RPRD2: variants seen among roughly 807,000 people sequenced by gnomAD.
RPRD2 encodes regulation of nuclear pre-mRNA domain-containing protein 2.
A neutral mutation model predicts 104.4 loss-of-function variants in RPRD2; 12 were observed. The observed-to-expected ratio is 0.11, with a 90% confidence interval of 0.07 to 0.19. The LOEUF (loss-of-function observed/expected upper bound fraction) is 0.19. Among genes scored for constraint, RPRD2 ranks in the 10% least tolerant of loss-of-function variants. The probability of loss-of-function intolerance (pLI) is 1.00; values close to 1 mark genes in which losing one functional copy is unlikely to be tolerated. For missense variants in RPRD2, 1,543 were observed against 1,790.1 expected (o/e 0.86, Z 2.49); for synonymous variants, 714 against 684.9 (o/e 1.04, Z -0.66).
At chr1:150,411,804 A>C (rs1158255384) in intron 1 of RPRD2, among the ~76,000 whole-genome samples, 2 of 75,176 alleles carry the variant, frequency 2.7e-5, no homozygotes, top group South Asian at 4.9e-4. Context: ...AAAAAAAAAA[A>C]AAAAAAAAAA....
At chr1:150,451,382 T>A (rs1487751900) in intron 7 of RPRD2, among the ~76,000 whole-genome samples, 1 of 151,956 alleles carries the variant, frequency 6.6e-6, no homozygotes, top group Non-Finnish European at 1.5e-5. Context: ...TGGGTTAAAT[T>A]ATGCACCCCA....
chr1:150,384,441 C>A (rs1661387140), intron 1 of RPRD2, among the ~76,000 whole-genome samples: 1 of 71,152 alleles, frequency 1.4e-5, no homozygotes, highest in African/African-American at 5.0e-5. Context: ...GAATAAAAGG[C>A]ATCATCATCA....
At chr1:150,368,225 A>C (rs72696842) in intron 1 of RPRD2, among the ~76,000 whole-genome samples, 1 of 70,384 alleles carries the variant, frequency 1.4e-5, no homozygotes, top group Non-Finnish European at 3.2e-5. Flanking sequence ...TTTTTTTTTT[A>C]ATACGGAGTC....
At chr1:150,420,057 G>A (rs1400881545) in intron 2 of RPRD2, among the ~76,000 whole-genome samples, 1 of 152,168 alleles carries the variant, frequency 6.6e-6, no homozygotes, top group Non-Finnish European at 1.5e-5. Flanking sequence ...CAAAGCCCAT[G>A]TTGTTTGCCA....
chr1:150,474,803 A>G lies in RPRD2; in HGVS notation c.*1469A>G, dbSNP rs1452626640. On this transcript the variant is annotated 3_prime_UTR_variant, in exon 11 of 11. Coordinates refer to ENST00000369068, the MANE Select transcript of RPRD2 (RefSeq NM_015203.5). ...TTTCCAGAGAATTCTGGCAAGTTTC[A>G]TATTTTCTTCCAAGTTAGTATAGAA... is the stretch of plus-strand genomic sequence containing the variant. 6.6e-6 allele frequency: 1 copy of G among 152,102 alleles called. No individual in the cohort carries two copies. The highest frequency in any genetic ancestry group is 2.4e-5 in the African/African-American group (1 of 41,404). The allele number at this position is 152,102 out of a possible 1,614,324, so 9.4% of individuals were successfully genotyped here.
chr1:150,433,930 C>CA (rs1422562899), intron 2 of RPRD2, among the ~76,000 whole-genome samples: 1 of 139,280 alleles, frequency 7.2e-6, no homozygotes, highest in Non-Finnish European at 1.6e-5. Flanking sequence ...TGTATACACA[C>CA]ACACACACAC....
intron 1 of RPRD2, among the ~76,000 whole-genome samples, chr1:150,399,485 G>A (rs1033635045): frequency 2.4e-4 from 36 of 152,206 alleles, no homozygotes; most frequent in Middle Eastern, 3.4e-3. Flanking sequence ...GGCTGGGCGC[G>A]GTGGCTCATG....
At position 150,440,986 on chromosome 1, in the gene RPRD2, C is replaced by A; in HGVS notation, c.399C>A (p.Tyr133Ter). Residue 133 changes from tyrosine to a stop codon, truncating the protein, a stop_gained, in exon 3 of 11, where the codon TAC becomes TAA. Transcript: ENST00000369068. LOFTEE classifies it high-confidence loss of function. ...IFKIWEDRNV[Y>*]PEEMIVALRE... ...AAATCTGGGAAGATAGAAATGTATACCCAGAAGAAATGATTGTGGCATTGA... is the reference window on the plus strand; with the variant it reads ...AAATCTGGGAAGATAGAAATGTATAACCAGAAGAAATGATTGTGGCATTGA... The A allele has an allele frequency of 6.3e-7, 1 of 1,579,670 alleles. No homozygotes were observed. Among genetic ancestry groups the A allele is most frequent in the Non-Finnish European group, 8.6e-7 (1 of 1,160,934 alleles).
At position 150,464,622 on chromosome 1, in the gene RPRD2, T is replaced by G; in HGVS notation, c.1507T>G (p.Ser503Ala). Residue 503 changes from serine to alanine, a missense_variant, in exon 10 of 11, where the codon TCT (serine) becomes GCT (alanine). Coordinates refer to ENST00000369068, the MANE Select transcript of RPRD2 (RefSeq NM_015203.5). ...AACACCTGCACCTGCCACGACAACA[T>G]CTCACAACCCTCTGGCAAATATCCT... ...LKTPAPATTT[S>A]HNPLANILSK... 8 of 1,612,186 alleles carry G rather than the reference T, an allele frequency of 5.0e-6. No homozygotes were observed. Among genetic ancestry groups the G allele is most frequent in the Non-Finnish European group, 6.8e-6 (8 of 1,179,148 alleles).
chr1:150,400,309 G>A (rs1178381355), intron 1 of RPRD2, among the ~76,000 whole-genome samples: 1 of 152,142 alleles, frequency 6.6e-6, no homozygotes, highest in African/African-American at 2.4e-5. Flanking sequence ...TCTATACATA[G>A]AGATGGTTTA....
chr1:150,406,340 C>T (rs1156882473), intron 1 of RPRD2, among the ~76,000 whole-genome samples: 1 of 152,126 alleles, frequency 6.6e-6, no homozygotes, highest in African/African-American at 2.4e-5. Flanking sequence ...ATTGCCTTTA[C>T]CCCTGAATAT....
chr1:150,443,188 T>C, intron 4 of RPRD2, 43 bp from the exon 5 acceptor site: 1 of 1,504,030 alleles, frequency 6.6e-7, no homozygotes, highest in African/African-American at 1.4e-5. Flanking sequence ...TAGTCAACTT[T>C]TTGTGTCTGT....
intron 10 of RPRD2, 40 bp downstream of exon 10, chr1:150,464,767 T>C: frequency 6.7e-7 from 1 of 1,497,736 alleles, no homozygotes; most frequent in Non-Finnish European, 9.2e-7. Context: ...TTGTGAATGT[T>C]TGTCTCTGGC....
At chr1:150,438,569 C>G (rs1339376648) in intron 2 of RPRD2, among the ~76,000 whole-genome samples, 3 of 151,376 alleles carry the variant, frequency 2.0e-5, no homozygotes, top group Non-Finnish European at 4.4e-5. Flanking sequence ...GCGGAAGTTG[C>G]AGTGAGCCGA....
At chr1:150,445,993 G>A (rs1006747382) in intron 6 of RPRD2, among the ~76,000 whole-genome samples, 2 of 150,114 alleles carry the variant, frequency 1.3e-5, no homozygotes, top group East Asian at 1.9e-4. Flanking sequence ...GCGTGAACCC[G>A]GGAAGCGGAG....
At chr1:150,366,269 C>T (rs182644464) in intron 1 of RPRD2, among the ~76,000 whole-genome samples, 4 of 152,344 alleles carry the variant, frequency 2.6e-5, no homozygotes, top group Middle Eastern at 3.4e-3. Flanking sequence ...GCCATTGCTC[C>T]TGTAGTGTTT....
At chr1:150,383,083 C>A (rs1276293167) in intron 1 of RPRD2, among the ~76,000 whole-genome samples, 4 of 152,134 alleles carry the variant, frequency 2.6e-5, no homozygotes, top group African/African-American at 9.6e-5. Context: ...GCCTTGACAT[C>A]CCGGACTCAG....
chr1:150,463,159 A>C (rs929967410), intron 9 of RPRD2, among the ~76,000 whole-genome samples: 6 of 151,970 alleles, frequency 3.9e-5, no homozygotes, highest in Admixed American at 3.9e-4. Flanking sequence ...CCCAGCCCGA[A>C]ATTTTTTAAA....
intron 9 of RPRD2, among the ~76,000 whole-genome samples, chr1:150,462,665 C>T (rs1256944114): frequency 1.3e-5 from 2 of 152,014 alleles, no homozygotes; most frequent in Non-Finnish European, 2.9e-5. Flanking sequence ...ACGCCATTCT[C>T]CTGCCTCAGC....
Sources: gnomAD v4.1 joint callset for allele counts (sites outside exome capture counted in the v4.1 genomes callset) on GRCh38, gnomAD v4.1.1 for gene constraint, MANE v1.5 for transcripts, NCBI Gene and HGNC (gene_info 2026-07-23, HGNC 2026-07-21) for gene names.